Variants in FRMD4A observed in about 807,000 individuals in gnomAD.
FRMD4A encodes FERM domain containing 4A.
In FRMD4A, 29 loss-of-function variants were observed where a neutral mutation model predicts 129.1. That is an observed-to-expected ratio of 0.22 (90% CI 0.17 to 0.31). The LOEUF (loss-of-function observed/expected upper bound fraction) is 0.31, where lower values mean the gene tolerates loss of function less well. Among genes scored for constraint, FRMD4A ranks in the 10% least tolerant of loss-of-function variants. The pLI is 1.00. For synonymous variants in FRMD4A, 634 were observed against 571.6 expected (o/e 1.11, Z -1.56); for missense variants, 1,272 against 1,375.8 (o/e 0.92, Z 1.19).
At chr10:14,004,247 T>C (rs1212647215) in intron 2 of FRMD4A, among the ~76,000 whole-genome samples, 1 of 152,190 alleles carries the variant, frequency 6.6e-6, no homozygotes, top group African/African-American at 2.4e-5. Flanking sequence ...GTCATCTGTT[T>C]ATTAAAAATA....
chr10:13,884,174 A>ACACC (rs769193704), intron 2 of FRMD4A, among the ~76,000 whole-genome samples: 1 of 105,216 alleles, frequency 9.5e-6, no homozygotes, highest in African/African-American at 3.6e-5. Context: ...ACACTCACAC[A>ACACC]CTCACACACA....
intron 2 of FRMD4A, among the ~76,000 whole-genome samples, chr10:14,065,532 G>A (rs1835015312): frequency 6.6e-6 from 1 of 152,096 alleles, no homozygotes; most frequent in Admixed American, 6.5e-5. Flanking sequence ...TAGCATCCAG[G>A]TGGTGGTCAC....
At chr10:13,698,086 T>TGGAG (rs11268822) in intron 14 of FRMD4A, among the ~76,000 whole-genome samples, 28 of 149,034 alleles carry the variant, frequency 1.9e-4, no homozygotes, top group African/African-American at 5.4e-4. Flanking sequence ...GGAGAGCTGA[T>TGGAG]GGAGGGAGGG....
intron 2 of FRMD4A, among the ~76,000 whole-genome samples, chr10:14,049,062 T>C (rs1834134190): frequency 6.6e-6 from 1 of 152,064 alleles, no homozygotes; most frequent in Non-Finnish European, 1.5e-5. Flanking sequence ...GCTTGGAGAA[T>C]CATGTAATAA....
At chr10:14,199,679 C>T (rs1198995747) in intron 2 of FRMD4A, among the ~76,000 whole-genome samples, 3 of 152,120 alleles carry the variant, frequency 2.0e-5, no homozygotes, top group Admixed American at 2.0e-4. Context: ...TGTGTGCCAC[C>T]GTGCCTGTTA....
chr10:13,717,267 C>T (rs2088899483), intron 12 of FRMD4A, among the ~76,000 whole-genome samples: 2 of 152,290 alleles, frequency 1.3e-5, no homozygotes, highest in South Asian at 4.1e-4. Context: ...ATTTCACCTG[C>T]TTTGGCCAAG....
At chr10:14,036,251 A>G (rs1833498060) in intron 2 of FRMD4A, among the ~76,000 whole-genome samples, 1 of 152,166 alleles carries the variant, frequency 6.6e-6, no homozygotes, top group Admixed American at 6.5e-5. Context: ...ATGGTACAGT[A>G]AGTGAAAGAT....
Position 14,330,645 on chromosome 10 carries a change from T to A in FRMD4A, c.-130A>T. ...TCTTTGCTGCAGATAGGTGTGTCCC[T>A]TTTTGCAAAATCAGATATCTGGGAG... On this transcript the variant is annotated 5_prime_UTR_variant, in exon 1 of 25. It adds an upstream start codon to the 5' untranslated region. Coordinates refer to ENST00000357447, the MANE Select transcript of FRMD4A (RefSeq NM_018027.5). 2.5e-6 allele frequency: 1 copy of A among 397,464 alleles called. No individual in the cohort carries two copies. Among genetic ancestry groups the A allele is most frequent in the Non-Finnish European group, 4.4e-6 (1 of 225,830 alleles). 24.6% of individuals were successfully genotyped at this position (397,464 alleles called of 1,614,324 possible). A position where few individuals can be genotyped will look rare whatever the true frequency, so the allele number is the denominator to read the frequency against.
chr10:13,653,577 A>G (rs1040921953), intron 23 of FRMD4A: 2 of 152,298 alleles, frequency 1.3e-5, no homozygotes, highest in African/African-American at 4.8e-5. Flanking sequence ...TTCAACTCAC[A>G]GCCAGTTGTC....
intron 3 of FRMD4A, among the ~76,000 whole-genome samples, chr10:13,822,785 C>T (rs1339743996): frequency 6.6e-6 from 1 of 152,116 alleles, no homozygotes; most frequent in Non-Finnish European, 1.5e-5. Context: ...ATGTCATGTC[C>T]CTATTCCCAA....
rs1554761010 is a variant in FRMD4A at position 14,110,125 on chromosome 10, TA to T, written c.45+219932del. ...GGCTGGGCAACAAAGCGAGATGCTG[TA>T]AAAAAAAAAAAAAAAAAAAAAGCTC... On this transcript the variant is annotated intron_variant, in intron 2 of 24. Transcript: ENST00000357447. 9.0e-4 allele frequency among the ~76,000 whole-genome samples: 81 copies of T among 89,550 alleles called. 1 individual carries two copies. The highest frequency in any genetic ancestry group is 7.3e-3 in the South Asian group (19 of 2,592). 58.7% of individuals were successfully genotyped at this position (89,550 alleles called of 152,430 possible).
chr10:13,917,240 C>T (rs1355178452), intron 2 of FRMD4A, among the ~76,000 whole-genome samples: 2 of 151,530 alleles, frequency 1.3e-5, no homozygotes, highest in Non-Finnish European at 1.5e-5. Context: ...TTCTTTAATT[C>T]TGCCCAATTC....
chr10:14,292,643 A>G (rs1290774702), intron 2 of FRMD4A, among the ~76,000 whole-genome samples: 1 of 152,170 alleles, frequency 6.6e-6, no homozygotes, highest in Non-Finnish European at 1.5e-5. Flanking sequence ...ACTAAAAAAT[A>G]CAAAAAATTA....
At chr10:13,891,802 C>A (rs1589185645) in intron 2 of FRMD4A, 2 of 946,132 alleles carry the variant, frequency 2.1e-6, no homozygotes, top group Non-Finnish European at 2.5e-6. Flanking sequence ...GGGCCCTCGG[C>A]GTCAGCCCAT....
chr10:14,166,589 T>C (rs10796165), intron 2 of FRMD4A, among the ~76,000 whole-genome samples: 132,619 of 152,260 alleles, frequency 0.87, 59,234 homozygotes, highest in Non-Finnish European at 0.97. Flanking sequence ...CAAACCAAAG[T>C]CAATGTTCAC....
chr10:14,130,502 C>T (rs1356487695), intron 2 of FRMD4A, among the ~76,000 whole-genome samples: 2 of 152,148 alleles, frequency 1.3e-5, no homozygotes, highest in African/African-American at 4.8e-5. Flanking sequence ...CCTCGCACCC[C>T]GGCCTACCAA....
At chr10:13,787,209 G>A (rs915354922) in intron 5 of FRMD4A, among the ~76,000 whole-genome samples, 4 of 152,198 alleles carry the variant, frequency 2.6e-5, no homozygotes, top group South Asian at 2.1e-4. Flanking sequence ...TCACCAAGAC[G>A]ACAGCCTGGA....
chr10:14,017,066 C>T (rs538036482), intron 2 of FRMD4A, among the ~76,000 whole-genome samples: 4 of 152,230 alleles, frequency 2.6e-5, no homozygotes, highest in Non-Finnish European at 4.4e-5. Flanking sequence ...TTGCCCTTCC[C>T]AGCATGAGGC....
chr10:13,997,330 C>T (rs146838395), intron 2 of FRMD4A, among the ~76,000 whole-genome samples: 92 of 152,258 alleles, frequency 6.0e-4, no homozygotes, highest in African/African-American at 2.2e-3. Flanking sequence ...AGAGTCTCTA[C>T]CATGGTCTCT....
Sources: gnomAD v4.1 joint callset for allele counts (sites outside exome capture counted in the v4.1 genomes callset) on GRCh38, gnomAD v4.1.1 for gene constraint, MANE v1.5 for transcripts, NCBI Gene and HGNC (gene_info 2026-07-23, HGNC 2026-07-21) for gene names.